The following SSBP2 variants were observed in gnomAD, a reference collection of about 807,000 sequenced individuals.
SSBP2 encodes single-stranded DNA-binding protein 2.
A neutral mutation model predicts 61.8 loss-of-function variants in SSBP2; 17 were observed. That is an observed-to-expected ratio of 0.28 (90% CI 0.19 to 0.41). The LOEUF is 0.41. Ranked by LOEUF, SSBP2 falls within the 10% of genes least tolerant of loss-of-function variation. The pLI is 1.00. For missense variants in SSBP2, 310 were observed against 458.7 expected (o/e 0.68, Z 2.96); for synonymous variants, 139 against 141.3 (o/e 0.98, Z 0.12).
At chr5:81,558,943 A>C (rs7720123) in intron 4 of SSBP2, among the ~76,000 whole-genome samples, 70,533 of 152,120 alleles carry the variant, frequency 0.46, 21,006 homozygotes, top group African/African-American at 0.85. Flanking sequence ...CCTCAGCATG[A>C]TTAGAAAGAT....
chr5:81,536,030 A>T (rs1443112345), intron 4 of SSBP2, among the ~76,000 whole-genome samples: 4 of 152,120 alleles, frequency 2.6e-5, no homozygotes, highest in African/African-American at 7.2e-5. Flanking sequence ...TATACAAACA[A>T]CTTTTAAAAA....
chr5:81,566,658 C>T (rs928547204), intron 4 of SSBP2, among the ~76,000 whole-genome samples: 2 of 152,124 alleles, frequency 1.3e-5, no homozygotes, highest in African/African-American at 2.4e-5. Context: ...AATGTGGAAG[C>T]AACTTTGGTT....
intron 1 of SSBP2, among the ~76,000 whole-genome samples, chr5:81,666,387 T>C (rs137887381): frequency 9.5e-4 from 145 of 152,216 alleles, no homozygotes; most frequent in African/African-American, 3.2e-3. Context: ...AGATGGATAG[T>C]TGGGCATAAA....
intron 1 of SSBP2, among the ~76,000 whole-genome samples, chr5:81,729,033 T>A (rs982961651): frequency 6.6e-6 from 1 of 152,204 alleles, no homozygotes. Context: ...AGAGGTGATA[T>A]GTTAATTAGC....
At chr5:81,682,958 T>C (rs1752505462) in intron 1 of SSBP2, among the ~76,000 whole-genome samples, 1 of 151,910 alleles carries the variant, frequency 6.6e-6, no homozygotes, top group Admixed American at 6.6e-5. Flanking sequence ...TCTAACAAAA[T>C]ATGTACAAGA....
chr5:81,637,819 C>T (rs140419689), intron 2 of SSBP2, among the ~76,000 whole-genome samples: 1,687 of 152,100 alleles, frequency 0.011, 30 homozygotes, highest in African/African-American at 0.038. Context: ...TTTATTACGG[C>T]GATATTCACA....
chr5:81,454,968 AT>A (rs1764033108), intron 10 of SSBP2, among the ~76,000 whole-genome samples: 1 of 152,136 alleles, frequency 6.6e-6, no homozygotes, highest in Non-Finnish European at 1.5e-5. Flanking sequence ...TTGCAATAGT[AT>A]TCACTGAGGA....
chr5:81,441,134 C>T (rs1763005902), intron 13 of SSBP2, among the ~76,000 whole-genome samples: 1 of 152,216 alleles, frequency 6.6e-6, no homozygotes, highest in Non-Finnish European at 1.5e-5. Flanking sequence ...AAATACATTT[C>T]ATTCCTTGGG....
At chr5:81,591,450 A>C (rs956324102) in intron 4 of SSBP2, among the ~76,000 whole-genome samples, 8 of 152,222 alleles carry the variant, frequency 5.3e-5, no homozygotes, top group Non-Finnish European at 8.8e-5. Context: ...AAACAAATAC[A>C]TATAAACACT....
chr5:81,681,519 CAAA>C (rs35721340), intron 1 of SSBP2, among the ~76,000 whole-genome samples: 17 of 107,096 alleles, frequency 1.6e-4, no homozygotes, highest in Admixed American at 3.1e-4. Context: ...GGCTCCACCT[CAAA>C]AAAAAAAAAA....
At chr5:81,583,990 T>G (rs1043064859) in intron 4 of SSBP2, among the ~76,000 whole-genome samples, 2 of 152,226 alleles carry the variant, frequency 1.3e-5, no homozygotes, top group Non-Finnish European at 2.9e-5. Flanking sequence ...GTTTCTGTAT[T>G]CAAAAACTAG....
intron 2 of SSBP2, among the ~76,000 whole-genome samples, chr5:81,637,872 G>A (rs1368353239): frequency 6.6e-6 from 1 of 152,172 alleles, no homozygotes; most frequent in Non-Finnish European, 1.5e-5. Flanking sequence ...AACAATGATA[G>A]ACTGGATTAA....
chr5:81,641,225 C>T (rs1019703448), intron 2 of SSBP2, among the ~76,000 whole-genome samples: 2 of 151,944 alleles, frequency 1.3e-5, no homozygotes, highest in Admixed American at 1.3e-4. Flanking sequence ...CCAGCTGTCT[C>T]GGGAGATAAA....
intron 1 of SSBP2, among the ~76,000 whole-genome samples, chr5:81,730,121 A>G (rs1158129393): frequency 6.6e-6 from 1 of 152,228 alleles, no homozygotes. Context: ...AAATGAGATG[A>G]GGGATTTCTA....
At chr5:81,426,388 A>G (rs1305330336) in intron 16 of SSBP2, among the ~76,000 whole-genome samples, 1 of 152,194 alleles carries the variant, frequency 6.6e-6, no homozygotes, top group Non-Finnish European at 1.5e-5. Flanking sequence ...TTCTCAGTCC[A>G]CCATCAAATT....
chr5:81,667,420 T>C (rs1004107974), intron 1 of SSBP2, among the ~76,000 whole-genome samples: 1 of 151,828 alleles, frequency 6.6e-6, no homozygotes, highest in African/African-American at 2.4e-5. Context: ...GACTACTCAG[T>C]AGAAAGACCT....
intron 4 of SSBP2, among the ~76,000 whole-genome samples, chr5:81,558,827 A>G (rs1158529117): frequency 6.6e-6 from 1 of 152,228 alleles, no homozygotes; most frequent in African/African-American, 2.4e-5. Flanking sequence ...CATACAAAAG[A>G]GTAGTACTGT....
chr5:81,537,336 C>CAA (rs1306935103), intron 4 of SSBP2, among the ~76,000 whole-genome samples: 3 of 152,104 alleles, frequency 2.0e-5, no homozygotes, highest in African/African-American at 7.2e-5. Context: ...AGACCTGAGA[C>CAA]AATTCTCATA....
At chr5:81,587,755 A>ATG (rs1554092900) in intron 4 of SSBP2, among the ~76,000 whole-genome samples, 204 of 137,906 alleles carry the variant, frequency 1.5e-3, no homozygotes, top group African/African-American at 4.9e-3. Flanking sequence ...ACGCACACAC[A>ATG]CGCGCGCGCA....
Sources: gnomAD v4.1 joint callset for allele counts (sites outside exome capture counted in the v4.1 genomes callset) on GRCh38, gnomAD v4.1.1 for gene constraint, MANE v1.5 for transcripts, NCBI Gene and HGNC (gene_info 2026-07-23, HGNC 2026-07-21) for gene names.